ZFAND3: variants seen among roughly 807,000 people sequenced by gnomAD.
The protein encoded by ZFAND3 is zinc finger AN1-type containing 3.
In ZFAND3, 10 loss-of-function variants were observed where a neutral mutation model predicts 29.6. That is an observed-to-expected ratio of 0.34 (90% CI 0.21 to 0.57). The LOEUF is 0.57. Among genes scored for constraint, ZFAND3 ranks in the 20% least tolerant of loss-of-function variants. The pLI is 0.86. For missense variants in ZFAND3, 230 were observed against 304.5 expected (o/e 0.76, Z 1.82); for synonymous variants, 128 against 112.6 (o/e 1.14, Z -0.87).
At chr6:37,854,218 T>G (rs1014584266) in intron 1 of ZFAND3, among the ~76,000 whole-genome samples, 2 of 152,220 alleles carry the variant, frequency 1.3e-5, no homozygotes, top group Non-Finnish European at 2.9e-5. Flanking sequence ...CCCAAAGTGC[T>G]GGGATTACAA....
intron 4 of ZFAND3, among the ~76,000 whole-genome samples, chr6:38,103,988 T>C (rs1348605502): frequency 6.6e-6 from 1 of 152,196 alleles, no homozygotes; most frequent in Non-Finnish European, 1.5e-5. Flanking sequence ...CAATGAGAAC[T>C]GAAAACTTTA....
intron 1 of ZFAND3, among the ~76,000 whole-genome samples, chr6:37,907,247 T>A (rs149594951): frequency 6.6e-6 from 1 of 152,280 alleles, no homozygotes; most frequent in Non-Finnish European, 1.5e-5. Context: ...GAGGTGTAAT[T>A]TACATGCCAT....
At chr6:37,993,049 A>G (rs1158562125) in intron 2 of ZFAND3, among the ~76,000 whole-genome samples, 1 of 152,178 alleles carries the variant, frequency 6.6e-6, no homozygotes, top group Non-Finnish European at 1.5e-5. Flanking sequence ...TTGATCATGT[A>G]CTTAAGTTGA....
At chr6:37,871,952 C>T (rs1466886037) in intron 1 of ZFAND3, among the ~76,000 whole-genome samples, 1 of 152,194 alleles carries the variant, frequency 6.6e-6, no homozygotes. Flanking sequence ...AGTTTTTAGT[C>T]TTACCTGGGC....
intron 5 of ZFAND3, among the ~76,000 whole-genome samples, chr6:38,139,812 G>A (rs1223674932): frequency 1.3e-5 from 2 of 152,032 alleles, no homozygotes; most frequent in Non-Finnish European, 2.9e-5. Context: ...CTAGGTGGTG[G>A]CTTATGACGC....
At chr6:38,011,124 G>A (rs993529108) in intron 2 of ZFAND3, among the ~76,000 whole-genome samples, 2 of 151,990 alleles carry the variant, frequency 1.3e-5, no homozygotes, top group African/African-American at 4.8e-5. Flanking sequence ...ATACGTTTGG[G>A]ACTCATTCAT....
chr6:37,930,796 A>C (rs747252791), intron 2 of ZFAND3, among the ~76,000 whole-genome samples: 1 of 152,188 alleles, frequency 6.6e-6, no homozygotes, highest in Non-Finnish European at 1.5e-5. Context: ...GCTAATTAGG[A>C]TATGTTTAAC....
intron 5 of ZFAND3, among the ~76,000 whole-genome samples, chr6:38,124,042 C>T (rs1214553046): frequency 2.6e-5 from 4 of 152,114 alleles, no homozygotes; most frequent in Non-Finnish European, 4.4e-5. Context: ...TTTTACAGAG[C>T]GCCAGTTGTT....
intron 1 of ZFAND3, among the ~76,000 whole-genome samples, chr6:37,904,258 T>C (rs762854833): frequency 2.6e-5 from 4 of 152,268 alleles, no homozygotes; most frequent in Non-Finnish European, 5.9e-5. Flanking sequence ...TTCCATCATA[T>C]CACCTTTGAC....
chr6:38,142,300 G>C, intron 5 of ZFAND3: 1 of 471,520 alleles, frequency 2.1e-6, no homozygotes, highest in East Asian at 7.0e-5. Flanking sequence ...ATAGTCTGAT[G>C]CCCCCTGACC....
chr6:38,126,791 G>T lies in ZFAND3; in HGVS notation c.529+10052G>T, dbSNP rs905822670. On this transcript the variant is annotated intron_variant, in intron 5 of 5. Transcript: ENST00000287218. ...TCTTAATATTGTAACTCATCAATAT[G>T]ATATGTCTCTCTATTTAGGTGTTTC... Among the ~76,000 whole-genome samples the T allele has an allele frequency of 2.0e-5, 3 of 151,248 alleles. No individual in the cohort carries two copies. In the South Asian group the frequency reaches 6.3e-4, roughly 32 times the overall value.
chr6:37,955,836 A>G (rs987835914), intron 2 of ZFAND3, among the ~76,000 whole-genome samples: 1 of 152,260 alleles, frequency 6.6e-6, no homozygotes, highest in East Asian at 1.9e-4. Flanking sequence ...AATCTAAATT[A>G]CATTGGGATA....
chr6:37,939,344 G>A lies in ZFAND3; in HGVS notation c.112+9345G>A, dbSNP rs1317346175. 2.0e-5 allele frequency among the ~76,000 whole-genome samples: 3 copies of A among 152,074 alleles called. No individual in the cohort carries two copies. The East Asian group carries it at 5.8e-4, about 29-fold the overall frequency. On this transcript the variant is annotated intron_variant, in intron 2 of 5. Transcript: ENST00000287218. ...TCATAGACATATCATTCTAGTCTCTGCTTCATCCACATGGCCTTCTCCCCT... is the reference window on the plus strand; with the variant it reads ...TCATAGACATATCATTCTAGTCTCTACTTCATCCACATGGCCTTCTCCCCT...
chr6:37,925,572 C>T (rs942021968), intron 1 of ZFAND3, among the ~76,000 whole-genome samples: 6 of 152,122 alleles, frequency 3.9e-5, no homozygotes, highest in South Asian at 2.1e-4. Flanking sequence ...GGCGTGGTGG[C>T]GGGCGCCTGT....
At chr6:37,820,117 G>C in intron 1 of ZFAND3, 101 bp downstream of exon 1, 1 of 1,000,586 alleles carries the variant, frequency 1.0e-6, no homozygotes, top group Non-Finnish European at 1.3e-6. Context: ...GAACCTTGGA[G>C]GCTGGGCCCA....
At chr6:38,103,742 A>C (rs1415735414) in intron 4 of ZFAND3, among the ~76,000 whole-genome samples, 1 of 152,218 alleles carries the variant, frequency 6.6e-6, no homozygotes, top group East Asian at 1.9e-4. Flanking sequence ...GGAACAGATT[A>C]AAATTAGGGG....
chr6:37,986,527 ATTTGTTGGT>A (rs1216128092), intron 2 of ZFAND3, among the ~76,000 whole-genome samples: 4 of 152,124 alleles, frequency 2.6e-5, no homozygotes, highest in African/African-American at 7.2e-5. Flanking sequence ...TTCTTGTGAC[ATTTGTTGGT>A]TTTTTTATCC....
At chr6:37,977,892 C>T (rs1762515939) in intron 2 of ZFAND3, among the ~76,000 whole-genome samples, 1 of 128,084 alleles carries the variant, frequency 7.8e-6, no homozygotes, top group South Asian at 2.4e-4. Flanking sequence ...TCCTTTCTCT[C>T]CTCTCCTCTC....
intron 3 of ZFAND3, among the ~76,000 whole-genome samples, chr6:38,064,128 A>G (rs925100585): frequency 6.6e-6 from 1 of 152,204 alleles, no homozygotes; most frequent in Non-Finnish European, 1.5e-5. Flanking sequence ...AAATTTCTCT[A>G]CAGCTTATTA....
Sources: allele counts gnomAD v4.1 joint callset (sites outside exome capture counted in the v4.1 genomes callset), GRCh38; gene constraint gnomAD v4.1.1; transcripts MANE v1.5; gene names NCBI Gene and HGNC (gene_info 2026-07-23, HGNC 2026-07-21).